NHLRC2: variants seen among roughly 807,000 people sequenced by gnomAD.
The protein encoded by NHLRC2 is NHL repeat containing 2.
In NHLRC2, 33 loss-of-function variants were observed where a neutral mutation model predicts 68.1. That is an observed-to-expected ratio of 0.48 (90% CI 0.37 to 0.65). The LOEUF (loss-of-function observed/expected upper bound fraction) is 0.65, where lower values mean the gene tolerates loss of function less well. Ranked by LOEUF, NHLRC2 falls within the 30% of genes least tolerant of loss-of-function variation. NHLRC2 has a pLI of 0.00. For synonymous variants in NHLRC2, 311 were observed against 309.6 expected (o/e 1.00, Z -0.05); for missense variants, 761 against 853.8 (o/e 0.89, Z 1.35).
chr10:113,854,834 C>A lies in NHLRC2; in HGVS notation c.-39C>A. On this transcript the variant is annotated 5_prime_UTR_variant, in exon 1 of 11. Transcript: ENST00000369301. The stretch of plus-strand genomic sequence containing the variant: ...TTTCGTCTCTCCCAGCGAGACTCTC[C>A]CGCGGGCCCGGCGGCCGCATCGGGA... 1.3e-6 allele frequency: 2 copies of A among 1,517,034 alleles called. No homozygotes were observed. Among genetic ancestry groups the A allele is most frequent in the Non-Finnish European group, 1.8e-6 (2 of 1,131,894 alleles). 94.0% of individuals were successfully genotyped at this position (1,517,034 alleles called of 1,614,324 possible).
chr10:113,909,247 G>A lies in NHLRC2; in HGVS notation c.*711G>A, dbSNP rs1023066224. 1.3e-5 allele frequency: 2 copies of A among 152,088 alleles called. No homozygotes were observed. Among genetic ancestry groups the A allele is most frequent in the African/African-American group, 2.4e-5 (1 of 41,428 alleles). 9.4% of individuals were successfully genotyped at this position (152,088 alleles called of 1,614,324 possible). A position where few individuals can be genotyped will look rare whatever the true frequency, so the allele number is the denominator to read the frequency against. ...TCTCTAAGGACTGACTCCTTTAACTGTTTTTGAGTGACTACATTACCAGAT... is the reference window on the plus strand; with the variant it reads ...TCTCTAAGGACTGACTCCTTTAACTATTTTTGAGTGACTACATTACCAGAT... On this transcript the variant is annotated 3_prime_UTR_variant, in exon 11 of 11. Coordinates refer to ENST00000369301, the MANE Select transcript of NHLRC2 (RefSeq NM_198514.4).
chr10:113,880,338 A>G (rs932389788), intron 4 of NHLRC2, among the ~76,000 whole-genome samples: 16 of 151,930 alleles, frequency 1.1e-4, no homozygotes, highest in Non-Finnish European at 2.9e-5. Context: ...TGCATACATA[A>G]TGTTTTGCAG....
At chr10:113,894,489 G>T (rs1020814215) in intron 5 of NHLRC2, among the ~76,000 whole-genome samples, 2 of 152,116 alleles carry the variant, frequency 1.3e-5, no homozygotes, top group African/African-American at 2.4e-5. Flanking sequence ...GTATAAAATT[G>T]TGAAGATTTT....
At chr10:113,860,631 A>G (rs1429691270) in intron 2 of NHLRC2, among the ~76,000 whole-genome samples, 1 of 152,168 alleles carries the variant, frequency 6.6e-6, no homozygotes, top group Admixed American at 6.5e-5. Context: ...ACTTTAAAAC[A>G]CTGTCTTAAA....
chr10:113,904,813 C>G lies in NHLRC2; in HGVS notation c.1705-4C>G. 1 of 1,607,622 alleles carries G rather than the reference C, an allele frequency of 6.2e-7. No individual in the cohort carries two copies. Among genetic ancestry groups the G allele is most frequent in the South Asian group, 1.1e-5 (1 of 90,842 alleles). On this transcript the variant is annotated splice_region_variant and splice_polypyrimidine_tract_variant and intron_variant, in intron 9 of 10. Transcript: ENST00000369301. ...TTTTAATAACAGATTTTCTTATTTCCTAGCTCCCCATCTTCAGATCTGAAA... is the reference window on the plus strand; with the variant it reads ...TTTTAATAACAGATTTTCTTATTTCGTAGCTCCCCATCTTCAGATCTGAAA...
At chr10:113,862,479 C>CTA (rs1197077288) in intron 2 of NHLRC2, among the ~76,000 whole-genome samples, 3 of 146,198 alleles carry the variant, frequency 2.1e-5, no homozygotes, top group Non-Finnish European at 4.6e-5. Context: ...TAAAAATCAA[C>CTA]TAAACAAAAA....
intron 3 of NHLRC2, among the ~76,000 whole-genome samples, chr10:113,878,566 T>C (rs991934930): frequency 3.9e-5 from 6 of 152,122 alleles, no homozygotes; most frequent in African/African-American, 1.2e-4. Context: ...CTCACTCTGT[T>C]GCCCAGGCTG....
At chr10:113,887,908 T>C (rs1245600817) in intron 5 of NHLRC2, among the ~76,000 whole-genome samples, 1 of 151,926 alleles carries the variant, frequency 6.6e-6, no homozygotes, top group Admixed American at 6.6e-5. Context: ...AGACAGATAC[T>C]GTATGATCTT....
At chr10:113,856,686 A>G (rs541011681) in intron 1 of NHLRC2, among the ~76,000 whole-genome samples, 55 of 152,290 alleles carry the variant, frequency 3.6e-4, no homozygotes, top group African/African-American at 1.3e-3. Flanking sequence ...TCTGTGACTC[A>G]TAACTAAAAA....
At chr10:113,896,974 A>G (rs1846183224) in intron 5 of NHLRC2, among the ~76,000 whole-genome samples, 3 of 150,724 alleles carry the variant, frequency 2.0e-5, no homozygotes, top group Admixed American at 1.3e-4. Context: ...AGCCTGGGGG[A>G]CGGAGTGAGA....
rs58207579 is a variant in NHLRC2, at chr10:113,874,442, T to TTGTGTG, written c.332-2031_332-2026dup. 3.7e-4 allele frequency among the ~76,000 whole-genome samples: 47 copies of TTGTGTG among 125,742 alleles called. 1 individual carries two copies. The highest frequency in any genetic ancestry group is 1.8e-3 in the South Asian group (6 of 3,418). The allele number at this position is 125,742 out of a possible 152,430, so 82.5% of individuals were successfully genotyped here. A position where few individuals can be genotyped will look rare whatever the true frequency, so the allele number is the denominator to read the frequency against. ...TCCCAGCTGCTTTCAAGGCATGTGT[T>TTGTGTG]TGTGTGTGTGTGTGTGTGTGTGTGT... On this transcript the variant is annotated intron_variant, in intron 2 of 10. Coordinates refer to ENST00000369301, the MANE Select transcript of NHLRC2 (RefSeq NM_198514.4).
chr10:113,875,774 T>C (rs1845974283), intron 2 of NHLRC2, among the ~76,000 whole-genome samples: 1 of 152,142 alleles, frequency 6.6e-6, no homozygotes, highest in African/African-American at 2.4e-5. Flanking sequence ...TCCTGATTTG[T>C]GTGGTTTTAT....
chr10:113,890,970 A>G (rs1433607518), intron 5 of NHLRC2, among the ~76,000 whole-genome samples: 3 of 152,182 alleles, frequency 2.0e-5, no homozygotes, highest in Non-Finnish European at 4.4e-5. Flanking sequence ...CCAGACAGTT[A>G]CTAAGCAACC....
chr10:113,904,772 A>G (rs1589549608), intron 9 of NHLRC2, 45 bp from the exon 10 acceptor site: 1 of 1,372,696 alleles, frequency 7.3e-7, no homozygotes, highest in Non-Finnish European at 1.0e-6. Context: ...TCTATAATTA[A>G]TATAAAGTTC....
Position 113,915,108 on chromosome 10 carries a change from A to G in NHLRC2, c.*6572A>G, listed in dbSNP as rs756111172. On this transcript the variant is annotated 3_prime_UTR_variant, in exon 11 of 11. Coordinates refer to ENST00000369301, the MANE Select transcript of NHLRC2 (RefSeq NM_198514.4). ...GTTGGAGTTGGAAAGTGAAAACCCT[A>G]GACACTTGCTGTGGAATGTTTGCCT... is the stretch of plus-strand genomic sequence containing the variant. 6 of 456,178 alleles carry G rather than the reference A, an allele frequency of 1.3e-5. No individual in the cohort carries two copies. The highest frequency in any genetic ancestry group is 3.1e-5 in the South Asian group (2 of 64,572). The allele number at this position is 456,178 out of a possible 1,614,324, so 28.3% of individuals were successfully genotyped here. A position where few individuals can be genotyped will look rare whatever the true frequency, so the allele number is the denominator to read the frequency against.
At chr10:113,866,266 A>T (rs1039458500) in intron 2 of NHLRC2, among the ~76,000 whole-genome samples, 2 of 152,232 alleles carry the variant, frequency 1.3e-5, no homozygotes, top group African/African-American at 2.4e-5. Context: ...ACATTTTTAA[A>T]GAAGCAACTA....
chr10:113,907,953 G>A (rs962992577), intron 10 of NHLRC2, among the ~76,000 whole-genome samples: 1 of 151,916 alleles, frequency 6.6e-6, no homozygotes, highest in African/African-American at 2.4e-5. Flanking sequence ...AATTTAATAG[G>A]TTTTATTTTT....
At chr10:113,860,811 T>C (rs922808886) in intron 2 of NHLRC2, among the ~76,000 whole-genome samples, 3 of 152,230 alleles carry the variant, frequency 2.0e-5, no homozygotes, top group Non-Finnish European at 4.4e-5. Flanking sequence ...CCTTGACTTA[T>C]AGTGCAGCTG....
intron 1 of NHLRC2, among the ~76,000 whole-genome samples, chr10:113,856,588 C>CCAT (rs1845761872): frequency 6.6e-6 from 1 of 152,160 alleles, no homozygotes; most frequent in Admixed American, 6.5e-5. Flanking sequence ...AACAAGCAGG[C>CCAT]CATCAACTGG....
Sources: allele counts gnomAD v4.1 joint callset (sites outside exome capture counted in the v4.1 genomes callset), GRCh38; gene constraint gnomAD v4.1.1; transcripts MANE v1.5; gene names NCBI Gene and HGNC (gene_info 2026-07-23, HGNC 2026-07-21).